The following ZNF529 variants were observed in gnomAD, a reference collection of about 807,000 sequenced individuals.
The protein encoded by ZNF529 is zinc finger protein 529.
Under a neutral mutation model 10.1 loss-of-function variants are expected in ZNF529, and 11 were observed. The ratio of observed to expected loss-of-function variants is 1.09; its 90% CI spans 0.69 to 1.81. The LOEUF (loss-of-function observed/expected upper bound fraction) is 1.81. ZNF529 is among the 40% of genes most tolerant of loss of function. The pLI is 0.00. For missense variants in ZNF529, 624 were observed against 666.8 expected, an observed-to-expected ratio of 0.94 and a Z score of 0.71; for synonymous variants, 204 against 215.7, an observed-to-expected ratio of 0.95 and a Z score of 0.47.
At chr19:36,578,291 C>CTTTTTTTT (rs1159725232), upstream of ZNF529, among the ~76,000 whole-genome samples, 307 of 31,818 alleles carry the variant, frequency 9.6e-3, 105 homozygotes, top group South Asian at 0.014. Flanking sequence ...GTCTTGATCT[C>CTTTTTTTT]TTTTTTTTTT....
chr19:36,566,758 G>A (rs1393054622), intron 2 of ZNF529, among the ~76,000 whole-genome samples: 1 of 151,966 alleles, frequency 6.6e-6, no homozygotes. Flanking sequence ...GGTGGCTTAT[G>A]CCTGTAATCC....
intron 4 of ZNF529, among the ~76,000 whole-genome samples, chr19:36,552,182 C>G (rs532854956): frequency 3.9e-5 from 6 of 152,100 alleles, no homozygotes; most frequent in South Asian, 4.2e-4. Context: ...TGTAATCCCA[C>G]CACTTTGGGA....
chr19:36,582,664 CGCCACTGCACTCCAGGCTGGGTGACAGA>C lies in ZNF529; in HGVS notation c.-41+6923_-41+6950del, dbSNP rs1193242280. 2.0e-5 allele frequency: 3 copies of C among 146,842 alleles called. No individual in the cohort carries two copies. In the Admixed American group the frequency reaches 2.1e-4, roughly 10 times the overall value. The allele number at this position is 146,842 out of a possible 1,614,324, so 9.1% of individuals were successfully genotyped here. ...AGGAGCTTGCAGTGAGCCGAGATCG[CGCCACTGCACTCCAGGCTGGGTGACAGA>C]GCGAGACTCCATCTTAAAAAAAAAA... is the stretch of plus-strand genomic sequence containing the variant. On this transcript the variant is annotated intron_variant, in intron 2 of 4. Transcript: ENST00000585960.
At chr19:36,578,736 G>A (rs984723963) in intron 2 of ZNF529, among the ~76,000 whole-genome samples, 1 of 151,790 alleles carries the variant, frequency 6.6e-6, no homozygotes, top group Non-Finnish European at 1.5e-5. Flanking sequence ...AGCCTCCCTG[G>A]TAGCTGGGAT....
Position 36,548,016 on chromosome 19 carries a change from C to G in ZNF529, c.542G>C (p.Ser181Thr). 4 of 1,613,868 alleles carry G rather than the reference C, an allele frequency of 2.5e-6. No homozygotes were observed. Among genetic ancestry groups the G allele is most frequent in the Non-Finnish European group, 3.4e-6 (4 of 1,179,844 alleles). The change falls in exon 5 of 5, where the codon AGT becomes ACT. Residue 181 changes from serine (S) to threonine (T), a missense_variant. Physicochemically the swap from Ser to Thr is moderately conservative, Grantham distance 58 (BLOSUM62 1). Coordinates refer to ENST00000591340, the MANE Select transcript of ZNF529 (RefSeq NM_020951.5). Reference protein sequence around the residue: ...YEYKEYEKVFSCDLEFDEYQK... With the variant: ...YEYKEYEKVFTCDLEFDEYQK... ...ATATTCATCAAACTCTAAGTCACAA[C>G]TGAAGACCTTCTCATATTCCTTGTA...
At chr19:36,554,486 A>G (rs1027170480) in intron 4 of ZNF529, among the ~76,000 whole-genome samples, 184 bp downstream of exon 4, 18 of 152,066 alleles carry the variant, frequency 1.2e-4, no homozygotes, top group Non-Finnish European at 2.2e-4. Context: ...GCTGAGGCAG[A>G]AGAATCACTT....
At chr19:36,589,558 C>T (rs1454253647) in intron 2 of ZNF529, 1 of 152,094 alleles carries the variant, frequency 6.6e-6, no homozygotes, top group Admixed American at 6.6e-5. Flanking sequence ...TTTACAGAAA[C>T]ACACACAGAG....
At chr19:36,554,924 T>A in intron 3 of ZNF529, 128 bp from the exon 4 acceptor site, 2 of 753,700 alleles carry the variant, frequency 2.7e-6, no homozygotes, top group Non-Finnish European at 3.7e-6. Flanking sequence ...GACTGTGACA[T>A]GGGAAGTAAG....
At chr19:36,600,146 G>A (rs1229336212) in intron 1 of ZNF529, among the ~76,000 whole-genome samples, 1 of 152,150 alleles carries the variant, frequency 6.6e-6, no homozygotes, top group Non-Finnish European at 1.5e-5. Flanking sequence ...TGGGATTACA[G>A]GCATGAGCCA....
chr19:36,548,421 G>T, intron 4 of ZNF529, 99 bp from the exon 5 acceptor site: 1 of 1,141,584 alleles, frequency 8.8e-7, no homozygotes, highest in Non-Finnish European at 1.2e-6. Flanking sequence ...ACATGAATTG[G>T]TTAAAATACT....
upstream of ZNF529, among the ~76,000 whole-genome samples, chr19:36,578,291 C>CTTA (rs2036381471): frequency 3.1e-5 from 1 of 31,794 alleles, no homozygotes; most frequent in Non-Finnish European, 5.5e-5. Context: ...GTCTTGATCT[C>CTTA]TTTTTTTTTT....
At chr19:36,582,578 GC>G (rs2036489893) in intron 2 of ZNF529, 2 of 151,676 alleles carry the variant, frequency 1.3e-5, no homozygotes, top group East Asian at 1.9e-4. Context: ...TGTGGCAGGC[GC>G]CGCCTGTAGT....
chr19:36,558,456 A>G (rs1400950812), intron 2 of ZNF529, among the ~76,000 whole-genome samples: 1 of 152,160 alleles, frequency 6.6e-6, no homozygotes, highest in Non-Finnish European at 1.5e-5. Context: ...CTAGAAGTGA[A>G]ACTAATACAA....
chr19:36,568,883 A>G (rs1262485850), intron 2 of ZNF529, among the ~76,000 whole-genome samples: 2 of 152,218 alleles, frequency 1.3e-5, no homozygotes, highest in African/African-American at 2.4e-5. Flanking sequence ...AAAACTAGAA[A>G]TAAGTGCAGC....
intron 2 of ZNF529, chr19:36,581,056 T>A (rs1206365083): frequency 6.6e-6 from 1 of 152,346 alleles, no homozygotes; most frequent in South Asian, 2.1e-4. Flanking sequence ...ATAGAAGATA[T>A]GAACCACACC....
At chr19:36,561,182 C>T (rs963634579) in intron 2 of ZNF529, among the ~76,000 whole-genome samples, 3 of 152,060 alleles carry the variant, frequency 2.0e-5, no homozygotes, top group African/African-American at 7.2e-5. Flanking sequence ...GCTTGCTGCC[C>T]GGGGCTGCCT....
chr19:36,547,893 G>A lies in ZNF529; in HGVS notation c.665C>T (p.Thr222Ile), dbSNP rs752112606. ...CATATATTTACAAGGTTTCACACCA[G>A]TATGAATATTCAGTTGTAACATACT... ...NSSMLQLNIH[T>I]GVKPCKYMEY... The change falls in exon 5 of 5, where the codon ACT (threonine) becomes ATT (isoleucine). Residue 222 changes from threonine (T) to isoleucine (I), a missense_variant. Thr to Ile is a moderately conservative substitution (Grantham distance 89). Transcript: ENST00000591340. The A allele has an allele frequency of 1.2e-6, 2 of 1,612,192 alleles. No homozygotes were observed. The highest frequency in any genetic ancestry group is 1.7e-6 in the Non-Finnish European group (2 of 1,178,846).
upstream of ZNF529, among the ~76,000 whole-genome samples, chr19:36,575,169 A>G (rs972705386): frequency 6.6e-6 from 1 of 152,210 alleles, no homozygotes; most frequent in Non-Finnish European, 1.5e-5. Context: ...ACATTCCATG[A>G]TAACTGAAAA....
intron 2 of ZNF529, among the ~76,000 whole-genome samples, chr19:36,584,733 C>T (rs1247050700): frequency 1.3e-5 from 2 of 150,512 alleles, no homozygotes; most frequent in Admixed American, 6.6e-5. Flanking sequence ...CCCCACTGCA[C>T]TCCACCCTGG....
Sources: gnomAD v4.1 joint callset for allele counts (sites outside exome capture counted in the v4.1 genomes callset) on GRCh38, gnomAD v4.1.1 for gene constraint, MANE v1.5 for transcripts, NCBI Gene and HGNC (gene_info 2026-07-23, HGNC 2026-07-21) for gene names.